Variants in SETBP1 observed in about 807,000 individuals in gnomAD.
SETBP1 encodes the protein SET binding protein 1.
A neutral mutation model predicts 101.0 loss-of-function variants in SETBP1; 9 were observed. That is an observed-to-expected ratio of 0.09 (90% confidence interval 0.05 to 0.16). SETBP1 has a LOEUF of 0.16. Among genes scored for constraint, SETBP1 ranks in the 10% least tolerant of loss-of-function variants. The pLI, the probability that SETBP1 is intolerant of heterozygous loss-of-function variation, is 1.00. For synonymous variants in SETBP1, 818 were observed against 788.5 expected (o/e 1.04, Z -0.63); for missense variants, 1,858 against 2,033.8 (o/e 0.91, Z 1.66).
At chr18:44,889,282 G>A (rs1264714029) in intron 3 of SETBP1, among the ~76,000 whole-genome samples, 3 of 152,090 alleles carry the variant, frequency 2.0e-5, no homozygotes, top group Non-Finnish European at 2.9e-5. Context: ...ATCAAAAGAG[G>A]AAGTTAGTTA....
intron 3 of SETBP1, among the ~76,000 whole-genome samples, chr18:44,899,312 A>G (rs1270183268): frequency 6.6e-6 from 1 of 152,236 alleles, no homozygotes; most frequent in East Asian, 1.9e-4. Flanking sequence ...AGTAATTTCC[A>G]GACACCAAAC....
At position 44,952,927 on chromosome 18, in the gene SETBP1, A is replaced by T. The variant is rs1236697515; in HGVS notation, c.3587A>T (p.Glu1196Val). Residue 1196 changes from glutamate (E) to valine (V), a missense_variant, in exon 4 of 6, where the codon GAG (glutamate) becomes GTG (valine). This residue lies in a region of SETBP1 where 417 missense variants were observed against 389.1 expected (regional missense o/e 1.07). Transcript: ENST00000649279. ...GAGCGGCTGAGTAGCGCAGACAAAG[A>T]GCTCCCGCTGGTGAGTGAGAAGAAC... is the stretch of plus-strand genomic sequence containing the variant. ...LSERLSSADK[E>V]LPLVSEKNKH... 1 of 1,614,144 alleles carries T rather than the reference A, an allele frequency of 6.2e-7. No homozygotes were observed. Among genetic ancestry groups the T allele is most frequent in the Non-Finnish European group, 8.5e-7 (1 of 1,180,026 alleles).
chr18:44,836,891 G>A (rs946927826), intron 2 of SETBP1, among the ~76,000 whole-genome samples: 37 of 152,168 alleles, frequency 2.4e-4, no homozygotes, highest in African/African-American at 8.2e-4. Flanking sequence ...TTGAGCCACT[G>A]CAGTTTTGGG....
chr18:44,969,522 G>T (rs1236573368), intron 4 of SETBP1, among the ~76,000 whole-genome samples: 1 of 152,146 alleles, frequency 6.6e-6, no homozygotes. Flanking sequence ...ATATTCTTAT[G>T]CAAATAAAGG....
intron 4 of SETBP1, among the ~76,000 whole-genome samples, chr18:45,011,535 C>T (rs1165549214): frequency 2.0e-5 from 3 of 152,192 alleles, no homozygotes; most frequent in Admixed American, 2.0e-4. Context: ...GTAACTGCTG[C>T]GCTGAACAGC....
intron 1 of SETBP1, among the ~76,000 whole-genome samples, chr18:44,698,963 G>C (rs1015490411): frequency 6.6e-6 from 1 of 152,008 alleles, no homozygotes; most frequent in Non-Finnish European, 1.5e-5. Context: ...ACTCTGAAGT[G>C]AATCTTTTTT....
At chr18:44,949,801 C>G in intron 3 of SETBP1, 80 bp from the exon 4 acceptor site, 1 of 1,144,528 alleles carries the variant, frequency 8.7e-7, no homozygotes, top group Middle Eastern at 2.2e-4. Context: ...CTTTTGATGT[C>G]AAATATTAAG....
intron 2 of SETBP1, among the ~76,000 whole-genome samples, chr18:44,865,862 C>A (rs1051571517): frequency 6.6e-6 from 1 of 152,300 alleles, no homozygotes; most frequent in Admixed American, 6.5e-5. Flanking sequence ...GGTTGTTTCC[C>A]AGGTCAGATA....
chr18:45,005,945 C>CTTTT (rs1032603185), intron 4 of SETBP1, among the ~76,000 whole-genome samples: 4 of 103,156 alleles, frequency 3.9e-5, no homozygotes, highest in African/African-American at 1.2e-4. Context: ...TGCACCCGGC[C>CTTTT]TTTTTTTTTT....
intron 2 of SETBP1, among the ~76,000 whole-genome samples, chr18:44,765,652 A>C (rs1221439933): frequency 6.6e-6 from 1 of 152,220 alleles, no homozygotes; most frequent in Non-Finnish European, 1.5e-5. Context: ...CATCCCTTGC[A>C]GAAGTGCTAT....
chr18:44,926,182 C>T (rs1458351523), intron 3 of SETBP1, among the ~76,000 whole-genome samples: 1 of 152,120 alleles, frequency 6.6e-6, no homozygotes, highest in Non-Finnish European at 1.5e-5. Context: ...ATCGCCCCAC[C>T]TTGGCTTCCA....
chr18:44,791,086 T>C (rs1278645322), intron 2 of SETBP1, among the ~76,000 whole-genome samples: 1 of 152,160 alleles, frequency 6.6e-6, no homozygotes, highest in Non-Finnish European at 1.5e-5. Context: ...AAGTTGACAA[T>C]GGACTAGAGC....
intron 2 of SETBP1, among the ~76,000 whole-genome samples, chr18:44,738,668 G>A (rs1208691571): frequency 2.0e-5 from 3 of 151,864 alleles, no homozygotes; most frequent in Non-Finnish European, 4.4e-5. Context: ...CAGCTCCTCA[G>A]GAGGCTGAGC....
intron 4 of SETBP1, among the ~76,000 whole-genome samples, chr18:44,955,371 C>T (rs1336978120): frequency 6.6e-6 from 1 of 152,204 alleles, no homozygotes; most frequent in Non-Finnish European, 1.5e-5. Context: ...CTGGATTCAA[C>T]CCGAAGAACT....
intron 2 of SETBP1, among the ~76,000 whole-genome samples, chr18:44,796,448 GGAA>G (rs2071476882): frequency 6.6e-6 from 1 of 152,144 alleles, no homozygotes; most frequent in Non-Finnish European, 1.5e-5. Flanking sequence ...AATGACCTGG[GGAA>G]CTATTAAAAT....
chr18:44,762,876 G>GTTAT (rs1449663987), intron 2 of SETBP1, among the ~76,000 whole-genome samples: 1 of 152,170 alleles, frequency 6.6e-6, no homozygotes, highest in Non-Finnish European at 1.5e-5. Context: ...CTTTTTATGA[G>GTTAT]TTATTCATTC....
chr18:44,790,005 T>C (rs1219604578), intron 2 of SETBP1, among the ~76,000 whole-genome samples: 1 of 152,194 alleles, frequency 6.6e-6, no homozygotes, highest in Admixed American at 6.5e-5. Flanking sequence ...CCCAGATCTA[T>C]TCTTTAAACC....
intron 3 of SETBP1, among the ~76,000 whole-genome samples, chr18:44,890,762 C>T (rs1252123939): frequency 1.3e-5 from 2 of 152,172 alleles, no homozygotes; most frequent in South Asian, 2.1e-4. Context: ...AAACCTGCAA[C>T]CTCATGAAGG....
chr18:44,796,298 T>C (rs901764710), intron 2 of SETBP1, among the ~76,000 whole-genome samples: 1 of 152,204 alleles, frequency 6.6e-6, no homozygotes, highest in Non-Finnish European at 1.5e-5. Flanking sequence ...AAAAGAATTA[T>C]ATATATGACT....
Sources: gnomAD v4.1 joint callset for allele counts (sites outside exome capture counted in the v4.1 genomes callset) on GRCh38, gnomAD v4.1.1 for gene constraint, gnomAD v4.1.1 regional missense constraint, MANE v1.5 for transcripts, NCBI Gene and HGNC (gene_info 2026-07-23, HGNC 2026-07-21) for gene names.